ARHGEF5: variants seen among roughly 807,000 people sequenced by gnomAD.
ARHGEF5 encodes Rho guanine nucleotide exchange factor 5, also known as Rho guanine nucleotide exchange factor (GEF) 5.
A neutral mutation model predicts 104.0 loss-of-function variants in ARHGEF5; 11 were observed. That is an observed-to-expected ratio of 0.11 (90% CI 0.07 to 0.18). ARHGEF5 has a LOEUF of 0.18. Ranked by LOEUF, ARHGEF5 falls within the 10% of genes least tolerant of loss-of-function variation. ARHGEF5 has a pLI of 1.00. For synonymous variants in ARHGEF5, 60 were observed against 512.2 expected, an observed-to-expected ratio of 0.12 and a Z score of 11.92; for missense variants, 165 against 1,335.4, an observed-to-expected ratio of 0.12 and a Z score of 13.66.
chr7:144,378,956 A>G, intron 14 of ARHGEF5, 90 bp downstream of exon 14: 12 of 1,285,344 alleles, frequency 9.3e-6, no homozygotes, highest in Non-Finnish European at 1.2e-5. Context: ...GCCATGACAA[A>G]GTACCATGGA....
intron 13 of ARHGEF5, among the ~76,000 whole-genome samples, chr7:144,378,188 T>C (rs2053774959): frequency 6.6e-6 from 1 of 152,180 alleles, no homozygotes; most frequent in Non-Finnish European, 1.5e-5. Context: ...ATTCATCTGA[T>C]CAACCTTGAT....
chr7:144,373,234 C>A lies in ARHGEF5; in HGVS notation c.4090C>A (p.Arg1364=), dbSNP rs761905812. The change falls in exon 10 of 15, where the codon CGG becomes AGG. Residue 1364 remains arginine, a synonymous_variant. Transcript: ENST00000056217. ...CAATAACAATGTCCAGAGTATGCGA[C>A]GGACAGAGGAACTAATCTACCTGAG... is the stretch of plus-strand genomic sequence containing the variant. ...DCNNNVQSMR[R]TEELIYLSQK... The A allele has an allele frequency of 6.9e-7, 1 of 1,454,240 alleles. No individual in the cohort carries two copies. Among genetic ancestry groups the A allele is most frequent in the South Asian group, 1.2e-5 (1 of 81,006 alleles). The allele number at this position is 1,454,240 out of a possible 1,614,324, so 90.1% of individuals were successfully genotyped here.
In ARHGEF5 at chr7:144,378,797, C is replaced by G. The variant is rs545585481; in HGVS notation, c.4567C>G (p.Pro1523Ala). The stretch of plus-strand genomic sequence containing the variant: ...GGTACAGTGCCTTCGAGCCTACAAG[C>G]CCCGAGAGAATGATGAATTGGCACT... ...PQVQCLRAYK[P>A]RENDELALEK... is the part of the protein sequence containing the mutation. The change falls in exon 14 of 15, where the codon CCC (proline) becomes GCC (alanine). Residue 1523 changes from proline to alanine, a missense_variant. Physicochemically the swap from Pro to Ala is conservative, Grantham distance 27. Transcript: ENST00000056217. The G allele has an allele frequency of 8.7e-6, 14 of 1,614,066 alleles. No homozygotes were observed. In the South Asian group the frequency reaches 1.2e-4, roughly 14 times the overall value.
In ARHGEF5 at chr7:144,373,778, T is replaced by C. The variant is rs2053740350; in HGVS notation, c.4140+494T>C. Among the ~76,000 whole-genome samples, 3 of 137,496 alleles carry C rather than the reference T, an allele frequency of 2.2e-5. No individual in the cohort carries two copies. The Admixed American group carries it at 2.3e-4, about 10-fold the overall frequency. The allele number at this position is 137,496 out of a possible 152,430, so 90.2% of individuals were successfully genotyped here. A position where few individuals can be genotyped will look rare whatever the true frequency, so the allele number is the denominator to read the frequency against. ...ATTGGATCCAAATTTAGAGCCAGCA[T>C]CCCTCATTGAAATACAAATCTAAAA... is the stretch of plus-strand genomic sequence containing the variant. On this transcript the variant is annotated intron_variant, in intron 10 of 14. Coordinates refer to ENST00000056217, the MANE Select transcript of ARHGEF5 (RefSeq NM_005435.4).
At chr7:144,377,299 T>G (rs1052428312) in intron 13 of ARHGEF5, 109 bp downstream of exon 13, 2 of 1,538,248 alleles carry the variant, frequency 1.3e-6, no homozygotes, top group African/African-American at 1.4e-5. Flanking sequence ...TTTATTGATA[T>G]TCCGTAAAAT....
rs2053773662 is a variant in ARHGEF5 at position 144,377,997 on chromosome 7, C to T, written c.4532-765C>T. On this transcript the variant is annotated intron_variant, in intron 13 of 14. Transcript: ENST00000056217. ...AGAAAGCAAATAGTAATGCAGTATTCCATTTATTTTACAAGAGAATCAAGG... is the reference window on the plus strand; with the variant it reads ...AGAAAGCAAATAGTAATGCAGTATTTCATTTATTTTACAAGAGAATCAAGG... Among the ~76,000 whole-genome samples, 5 of 152,072 alleles carry T rather than the reference C, an allele frequency of 3.3e-5. No homozygotes were observed. The South Asian group carries it at 1.0e-3, about 32-fold the overall frequency.
intron 13 of ARHGEF5, 39 bp downstream of exon 13, chr7:144,377,229 G>T: frequency 6.8e-7 from 1 of 1,467,812 alleles, no homozygotes; most frequent in Non-Finnish European, 9.1e-7. Context: ...AGAAAGCAGG[G>T]TCAGATGTCA....
chr7:144,378,662 C>T, intron 13 of ARHGEF5, 100 bp from the exon 14 acceptor site: 2 of 942,532 alleles, frequency 2.1e-6, no homozygotes, highest in South Asian at 1.6e-5. Flanking sequence ...CCAAATCTGT[C>T]TCTATCTCAA....
In ARHGEF5 at chr7:144,377,761, A is replaced by T. The variant is rs144285527; in HGVS notation, c.4531+571A>T. ...CTAATTTAAATCCAGAGAGAATCTGACCTCAACCCTGGACCTTTAGTGACT... is the reference window on the plus strand; with the variant it reads ...CTAATTTAAATCCAGAGAGAATCTGTCCTCAACCCTGGACCTTTAGTGACT... On this transcript the variant is annotated intron_variant, in intron 13 of 14. Coordinates refer to ENST00000056217, the MANE Select transcript of ARHGEF5 (RefSeq NM_005435.4). Among the ~76,000 whole-genome samples, 14 of 152,278 alleles carry T rather than the reference A, an allele frequency of 9.2e-5. No homozygotes were observed. In the East Asian group the frequency reaches 2.5e-3, roughly 27 times the overall value.
At chr7:144,379,023 C>T (rs952652206) in intron 14 of ARHGEF5, among the ~76,000 whole-genome samples, 157 bp downstream of exon 14, 1 of 152,116 alleles carries the variant, frequency 6.6e-6, no homozygotes, top group Non-Finnish European at 1.5e-5. Context: ...GGCAAGAAGT[C>T]CCAAATCAAG....
intron 12 of ARHGEF5, among the ~76,000 whole-genome samples, chr7:144,375,920 A>G (rs2053759652): frequency 6.6e-6 from 1 of 152,302 alleles, no homozygotes; most frequent in Admixed American, 6.5e-5. Flanking sequence ...TCTTTACTCA[A>G]GAGGGACAAG....
At chr7:144,379,850 A>G (rs2053787981) in intron 14 of ARHGEF5, 49 bp from the exon 15 acceptor site, 2 of 1,610,062 alleles carry the variant, frequency 1.2e-6, no homozygotes, top group African/African-American at 1.3e-5. Context: ...CAGAGAAGCT[A>G]TCGTGAGCCT....
chr7:144,380,576 G>C lies in ARHGEF5; in HGVS notation c.*520G>C, dbSNP rs1294054001. On this transcript the variant is annotated 3_prime_UTR_variant, in exon 15 of 15. Transcript: ENST00000056217. ...GTGTCTCTGAGATCTATGTCTGTTGGTGGCAATGTGAGGGTGATACTCTCT... is the reference window on the plus strand; with the variant it reads ...GTGTCTCTGAGATCTATGTCTGTTGCTGGCAATGTGAGGGTGATACTCTCT... 1 of 152,868 alleles carries C rather than the reference G, an allele frequency of 6.5e-6. No individual in the cohort carries two copies. Among genetic ancestry groups the C allele is most frequent in the Non-Finnish European group, 1.5e-5 (1 of 68,534 alleles). 9.5% of individuals were successfully genotyped at this position (152,868 alleles called of 1,614,324 possible).
At chr7:144,358,875 A>C (rs1283211350) in intron 1 of ARHGEF5, among the ~76,000 whole-genome samples, 1 of 116,412 alleles carries the variant, frequency 8.6e-6, no homozygotes, top group Non-Finnish European at 1.8e-5. Flanking sequence ...CCAGACAAGA[A>C]AGGTGCACGG....
chr7:144,358,758 AGTGTGTGTGTGTGTGTGT>A (rs71222348), intron 1 of ARHGEF5, among the ~76,000 whole-genome samples: 7 of 90,820 alleles, frequency 7.7e-5, no homozygotes, highest in East Asian at 2.8e-4. Context: ...AGGATGGCTC[AGTGTGTGTGTGTGTGTGT>A]GTGTGTGTGT....
intron 13 of ARHGEF5, among the ~76,000 whole-genome samples, chr7:144,378,184 C>G (rs190356986): frequency 6.2e-4 from 95 of 152,288 alleles, no homozygotes; most frequent in Non-Finnish European, 8.2e-4. Context: ...CAAGATTCAT[C>G]TGATCAACCT....
At position 144,378,835 on chromosome 7, in the gene ARHGEF5, C is replaced by T. The variant is rs186937905; in HGVS notation, c.4605C>T (p.Asp1535=). Reference sequence around the variant, plus strand: ...ATGAATTGGCACTGGAGAAAGCCGACGTGGTGATGGTGACTCAGCAGAGCA... The same window carrying T: ...ATGAATTGGCACTGGAGAAAGCCGATGTGGTGATGGTGACTCAGCAGAGCA... ...ENDELALEKA[D]VVMVTQQSSD... is the part of the protein sequence containing the mutation. Residue 1535 remains aspartate (D), a synonymous_variant, in exon 14 of 15, where the codon GAC becomes GAT. Coordinates refer to ENST00000056217, the MANE Select transcript of ARHGEF5 (RefSeq NM_005435.4). 1.5e-5 allele frequency: 24 copies of T among 1,614,068 alleles called. No homozygotes were observed. In the East Asian group the frequency reaches 4.5e-4, roughly 30 times the overall value.
In ARHGEF5 at chr7:144,365,461, TC is replaced by T. The variant is rs2053685690; in HGVS notation, c.2794del (p.Leu932TyrfsTer37). On this transcript the variant is annotated frameshift_variant, in exon 2 of 15. Coordinates refer to ENST00000056217, the MANE Select transcript of ARHGEF5 (RefSeq NM_005435.4). LOFTEE classifies it high-confidence loss of function. ...PGMAFSNMTN[F>X]LCPSSPTTPW... is the part of the protein sequence containing the mutation. ...ATGGCTTTCAGCAACATGACAAACT[TC>T]CTATGCCCCTCTTCCCCTACCACTC... 1 of 1,461,642 alleles carries T rather than the reference TC, an allele frequency of 6.8e-7. No homozygotes were observed. Among genetic ancestry groups the T allele is most frequent in the African/African-American group, 1.5e-5 (1 of 65,974 alleles). The allele number at this position is 1,461,642 out of a possible 1,614,324, so 90.5% of individuals were successfully genotyped here. A position where few individuals can be genotyped will look rare whatever the true frequency, so the allele number is the denominator to read the frequency against.
chr7:144,360,858 A>T (rs191553473), intron 1 of ARHGEF5, among the ~76,000 whole-genome samples: 7,373 of 142,114 alleles, frequency 0.052, 344 homozygotes, highest in Middle Eastern at 0.094. Context: ...TTATAATTGT[A>T]TAAATGCTAC....
Sources: gnomAD v4.1 joint callset for allele counts (sites outside exome capture counted in the v4.1 genomes callset) on GRCh38, gnomAD v4.1.1 for gene constraint, MANE v1.5 for transcripts, NCBI Gene and HGNC (gene_info 2026-07-23, HGNC 2026-07-21) for gene names.